The following FAM107B variants were observed in gnomAD, a reference collection of about 807,000 sequenced individuals.
FAM107B encodes protein FAM107B.
FAM107B carries 21 observed loss-of-function variants against 31.5 expected under a neutral mutation model. That is an observed-to-expected ratio of 0.67 (90% CI 0.47 to 0.96). FAM107B has a LOEUF of 0.96. Ranked by LOEUF, FAM107B falls within the 40% of genes least tolerant of loss-of-function variation. The pLI is 0.00. For synonymous variants in FAM107B, 157 were observed against 141.5 expected (o/e 1.11, Z -0.78); for missense variants, 452 against 377.1 (o/e 1.20, Z -1.64).
chr10:14,760,396 C>A (rs1259048033), intron 1 of FAM107B, among the ~76,000 whole-genome samples: 1 of 152,134 alleles, frequency 6.6e-6, no homozygotes, highest in Non-Finnish European at 1.5e-5. Flanking sequence ...TTATACAGAA[C>A]TTTAAGCATT....
intron 1 of FAM107B, among the ~76,000 whole-genome samples, chr10:14,708,147 G>A (rs1054083760): frequency 6.6e-6 from 1 of 151,772 alleles, no homozygotes; most frequent in Admixed American, 6.6e-5. Context: ...GCACAATCTC[G>A]GCTCACTGAA....
intron 2 of FAM107B, among the ~76,000 whole-genome samples, chr10:14,638,457 T>C (rs1422295966): frequency 6.6e-6 from 1 of 152,244 alleles, no homozygotes; most frequent in African/African-American, 2.4e-5. Context: ...AATGTTGGCA[T>C]GCAGCCTTTA....
At chr10:14,683,267 T>C (rs1194458944) in intron 1 of FAM107B, among the ~76,000 whole-genome samples, 1 of 152,184 alleles carries the variant, frequency 6.6e-6, no homozygotes, top group East Asian at 1.9e-4. Context: ...TAGCTCTCCT[T>C]AGTGAAAGAA....
intron 2 of FAM107B, among the ~76,000 whole-genome samples, chr10:14,599,135 G>A (rs72768953): frequency 3.2e-4 from 49 of 152,282 alleles, no homozygotes; most frequent in African/African-American, 1.1e-3. Context: ...TGCCATGGTC[G>A]GAAGAGCCAG....
intron 2 of FAM107B, among the ~76,000 whole-genome samples, chr10:14,587,229 C>T (rs1189679756): frequency 6.6e-6 from 1 of 152,140 alleles, no homozygotes; most frequent in African/African-American, 2.4e-5. Context: ...CCTTCTAATG[C>T]GCCAGTGTCG....
intron 1 of FAM107B, among the ~76,000 whole-genome samples, chr10:14,741,086 G>A (rs1588746786): frequency 6.6e-6 from 1 of 152,274 alleles, no homozygotes. Context: ...CACTGGGATG[G>A]GGCTCCCCAT....
chr10:14,534,835 T>A (rs375570345), intron 2 of FAM107B: 1 of 152,378 alleles, frequency 6.6e-6, no homozygotes, highest in East Asian at 1.9e-4. Flanking sequence ...AGAACATGTC[T>A]GGTTTATGTT....
At chr10:14,609,282 T>A (rs1852669661) in intron 2 of FAM107B, among the ~76,000 whole-genome samples, 1 of 152,226 alleles carries the variant, frequency 6.6e-6, no homozygotes, top group African/African-American at 2.4e-5. Flanking sequence ...AGAAATGGCA[T>A]GACTGGGGTC....
intron 2 of FAM107B, among the ~76,000 whole-genome samples, chr10:14,631,500 G>A (rs1361189595): frequency 5.3e-5 from 8 of 152,186 alleles, no homozygotes. Flanking sequence ...GAATTTGGCA[G>A]AAATTCCTTA....
intron 2 of FAM107B, among the ~76,000 whole-genome samples, chr10:14,538,253 ATTTT>A (rs1847839806): frequency 6.6e-6 from 1 of 152,220 alleles, no homozygotes; most frequent in Non-Finnish European, 1.5e-5. Context: ...AATATAAATG[ATTTT>A]TATAAGAATG....
chr10:14,522,141 A>AC, intron 3 of FAM107B, 122 bp from the exon 4 acceptor site: 1 of 1,266,564 alleles, frequency 7.9e-7, no homozygotes. Context: ...TATGATACCT[A>AC]CTAGGCTACA....
At chr10:14,749,496 A>T (rs1832786750) in intron 1 of FAM107B, among the ~76,000 whole-genome samples, 1 of 152,174 alleles carries the variant, frequency 6.6e-6, no homozygotes, top group Non-Finnish European at 1.5e-5. Flanking sequence ...CATTTACTAA[A>T]ACACATACTT....
chr10:14,692,172 A>G (rs897797175), intron 1 of FAM107B, among the ~76,000 whole-genome samples: 1 of 152,160 alleles, frequency 6.6e-6, no homozygotes, highest in Non-Finnish European at 1.5e-5. Context: ...TGGATTCTGC[A>G]TGATACAATC....
intron 2 of FAM107B, among the ~76,000 whole-genome samples, chr10:14,561,284 A>G (rs527330215): frequency 1.1e-4 from 17 of 152,336 alleles, no homozygotes; most frequent in African/African-American, 4.1e-4. Flanking sequence ...CCAACTGACA[A>G]ACCGAGGGAA....
intron 2 of FAM107B, among the ~76,000 whole-genome samples, chr10:14,597,749 A>G (rs1047292760): frequency 2.0e-5 from 3 of 152,182 alleles, no homozygotes; most frequent in African/African-American, 7.2e-5. Flanking sequence ...CAGGAGTTCA[A>G]GACCAGCCTG....
intron 2 of FAM107B, among the ~76,000 whole-genome samples, chr10:14,540,467 C>T (rs536832364): frequency 6.6e-6 from 1 of 152,328 alleles, no homozygotes; most frequent in Admixed American, 6.5e-5. Context: ...TGACACTCTC[C>T]TGGGCCTCTC....
chr10:14,581,444 C>CA (rs1851633057), intron 2 of FAM107B, among the ~76,000 whole-genome samples: 1 of 152,202 alleles, frequency 6.6e-6, no homozygotes, highest in African/African-American at 2.4e-5. Context: ...ATTCAAGTGT[C>CA]AGAGTTCCAG....
intron 2 of FAM107B, among the ~76,000 whole-genome samples, chr10:14,570,745 T>C (rs968981112): frequency 6.8e-6 from 1 of 148,004 alleles, no homozygotes; most frequent in Non-Finnish European, 1.5e-5. Context: ...GAGGTTGCAG[T>C]GGGCTAAGAC....
At chr10:14,684,792 ATTTCC>A (rs1209403925) in intron 1 of FAM107B, among the ~76,000 whole-genome samples, 4 of 150,344 alleles carry the variant, frequency 2.7e-5, no homozygotes, top group African/African-American at 9.9e-5. Flanking sequence ...TGAATAGATG[ATTTCC>A]TTTCACTTCT....
Sources: allele counts gnomAD v4.1 joint callset (sites outside exome capture counted in the v4.1 genomes callset), GRCh38; gene constraint gnomAD v4.1.1; transcripts MANE v1.5; gene names NCBI Gene and HGNC (gene_info 2026-07-23, HGNC 2026-07-21).